Variants in UBR1 observed in about 807,000 individuals in gnomAD.
The protein encoded by UBR1 is ubiquitin protein ligase E3 component n-recognin 1.
A neutral mutation model predicts 242.1 loss-of-function variants in UBR1; 102 were observed. That is an observed-to-expected ratio of 0.42 (90% confidence interval 0.36 to 0.50). UBR1 has a LOEUF of 0.50. Ranked by LOEUF, UBR1 falls within the 20% of genes least tolerant of loss-of-function variation. The pLI is 0.01. For missense variants in UBR1, 1,772 were observed against 2,101.8 expected, an observed-to-expected ratio of 0.84 and a Z score of 3.07; for synonymous variants, 675 against 684.8, an observed-to-expected ratio of 0.99 and a Z score of 0.22.
intron 21 of UBR1, among the ~76,000 whole-genome samples, chr15:43,028,460 T>C (rs563654081): frequency 2.0e-5 from 3 of 152,060 alleles, no homozygotes; most frequent in South Asian, 4.1e-4. Context: ...AAAATACATA[T>C]ATTTGGCCGG....
At chr15:42,992,027 T>C (rs1023378182) in intron 33 of UBR1, among the ~76,000 whole-genome samples, 3 of 152,190 alleles carry the variant, frequency 2.0e-5, no homozygotes, top group Non-Finnish European at 4.4e-5. Context: ...GCTGTTATTA[T>C]AGGCCTGAGC....
intron 1 of UBR1, among the ~76,000 whole-genome samples, chr15:43,105,183 T>A (rs1351701160): frequency 6.6e-6 from 1 of 152,204 alleles, no homozygotes; most frequent in African/African-American, 2.4e-5. Context: ...ATTTTCTACA[T>A]ATCTCCACAC....
At chr15:43,076,881 G>T (rs1380146662) in intron 3 of UBR1, among the ~76,000 whole-genome samples, 3 of 70,106 alleles carry the variant, frequency 4.3e-5, no homozygotes, top group East Asian at 4.7e-4. Flanking sequence ...CCGGCCAGCC[G>T]CCCCGTCCGG....
At chr15:42,955,880 T>C (rs1317332389) in intron 44 of UBR1, among the ~76,000 whole-genome samples, 3 of 152,352 alleles carry the variant, frequency 2.0e-5, no homozygotes, top group African/African-American at 7.2e-5. Context: ...AGGCTTATGC[T>C]CTTACAGAAG....
rs2033231185 is a variant in UBR1, at chr15:43,029,844, G to A, written c.2379+100C>T. The A allele has an allele frequency of 4.3e-6, 6 of 1,393,314 alleles. No individual in the cohort carries two copies. The South Asian group carries it at 7.0e-5, about 16-fold the overall frequency. 86.3% of individuals were successfully genotyped at this position (1,393,314 alleles called of 1,614,324 possible). A position where few individuals can be genotyped will look rare whatever the true frequency, so the allele number is the denominator to read the frequency against. ...TTTACATCTATAAGGTAATGATATA[G>A]GACTTTTTGCCTAAAATTTTGAAGT... On this transcript the variant is annotated intron_variant, in intron 21 of 46. Transcript: ENST00000290650.
chr15:43,070,753 T>C, intron 5 of UBR1, 42 bp downstream of exon 5: 2 of 1,609,546 alleles, frequency 1.2e-6, no homozygotes, highest in Non-Finnish European at 1.7e-6. Context: ...GCAATACAAA[T>C]AACCATCACT....
At chr15:43,105,427 T>C (rs144553906) in intron 1 of UBR1, among the ~76,000 whole-genome samples, 74 of 152,298 alleles carry the variant, frequency 4.9e-4, no homozygotes, top group African/African-American at 1.7e-3. Context: ...ATGATGGGTT[T>C]CTCCACTGAG....
chr15:43,097,628 C>G (rs539020941), intron 1 of UBR1, among the ~76,000 whole-genome samples: 88 of 152,354 alleles, frequency 5.8e-4, no homozygotes, highest in African/African-American at 2.1e-3. Context: ...TCAGCACTTA[C>G]TGCTTCACGC....
chr15:43,028,942 G>A (rs200258237), intron 21 of UBR1, among the ~76,000 whole-genome samples: 17 of 151,700 alleles, frequency 1.1e-4, no homozygotes, highest in Admixed American at 6.6e-5. Flanking sequence ...AAAACTAGCC[G>A]GGTGTGGTGG....
At chr15:43,103,099 T>C (rs2034257920) in intron 1 of UBR1, among the ~76,000 whole-genome samples, 1 of 152,028 alleles carries the variant, frequency 6.6e-6, no homozygotes, top group Non-Finnish European at 1.5e-5. Context: ...ACCTGGGAGG[T>C]GGAAGTTATA....
At chr15:43,084,920 TA>T (rs1393926938) in intron 2 of UBR1, among the ~76,000 whole-genome samples, 1 of 152,246 alleles carries the variant, frequency 6.6e-6, no homozygotes, top group East Asian at 1.9e-4. Context: ...AAACTAGCTC[TA>T]AGAAGGAAAA....
intron 46 of UBR1, 134 bp from the exon 47 acceptor site, chr15:42,945,604 G>GAA: frequency 8.3e-6 from 8 of 968,986 alleles, no homozygotes; most frequent in Admixed American, 2.9e-5. Flanking sequence ...CTTAAAAAGG[G>GAA]ATATTTTCCC....
At position 42,972,121 on chromosome 15, in the gene UBR1, T is replaced by C. The variant is rs561408901; in HGVS notation, c.4370-1514A>G. ...TAATAATGACATGCATGCACCATTG[T>C]AGTATTTTTCATAACAGTTTCACTG... On this transcript the variant is annotated intron_variant, in intron 39 of 46. Transcript: ENST00000290650. Among the ~76,000 whole-genome samples, 8 of 152,358 alleles carry C rather than the reference T, an allele frequency of 5.3e-5. No individual in the cohort carries two copies. In the East Asian group the frequency reaches 1.3e-3, roughly 26 times the overall value.
intron 12 of UBR1, among the ~76,000 whole-genome samples, chr15:43,052,821 GTGT>G (rs994405956): frequency 6.6e-6 from 1 of 152,168 alleles, no homozygotes; most frequent in African/African-American, 2.4e-5. Flanking sequence ...AGTAGATTTT[GTGT>G]TGTTGTTTAT....
chr15:42,968,479 C>T (rs1242143014), intron 40 of UBR1, among the ~76,000 whole-genome samples: 1 of 151,590 alleles, frequency 6.6e-6, no homozygotes, highest in African/African-American at 2.4e-5. Context: ...CCTGCCTTGG[C>T]CTCTAAAAGT....
intron 19 of UBR1, 125 bp from the exon 20 acceptor site, chr15:43,032,756 T>C (rs1020693952): frequency 1.6e-6 from 1 of 615,094 alleles, no homozygotes; most frequent in Non-Finnish European, 2.9e-6. Context: ...GTATTTTTTT[T>C]GTATGTGTGC....
intron 1 of UBR1, among the ~76,000 whole-genome samples, chr15:43,096,375 T>G (rs1393334446): frequency 1.3e-5 from 2 of 152,170 alleles, no homozygotes; most frequent in East Asian, 3.9e-4. Context: ...TTGGTCAGGC[T>G]GGTCTCAAAC....
intron 46 of UBR1, among the ~76,000 whole-genome samples, chr15:42,948,325 A>G (rs1247641877): frequency 6.6e-6 from 1 of 152,002 alleles, no homozygotes; most frequent in African/African-American, 2.4e-5. Flanking sequence ...AACCATAAAA[A>G]CCCTAGAAGA....
rs896763666 is a variant in UBR1, at chr15:43,085,752, C to T, written c.338+232G>A. 4.6e-5 allele frequency among the ~76,000 whole-genome samples: 7 copies of T among 150,710 alleles called. No homozygotes were observed. In the South Asian group the frequency reaches 1.1e-3, roughly 23 times the overall value. ...TATGAAAATTAGCCAGGCATGGTGG[C>T]GGGTGCCTGTAATCCCAGCCAGACG... is the stretch of plus-strand genomic sequence containing the variant. On this transcript the variant is annotated intron_variant, in intron 2 of 46. Coordinates refer to ENST00000290650, the MANE Select transcript of UBR1 (RefSeq NM_174916.3).
Sources: allele counts gnomAD v4.1 joint callset (sites outside exome capture counted in the v4.1 genomes callset), GRCh38; gene constraint gnomAD v4.1.1; transcripts MANE v1.5; gene names NCBI Gene and HGNC (gene_info 2026-07-23, HGNC 2026-07-21).